The following SHQ1 variants were observed in gnomAD, a reference collection of about 807,000 sequenced individuals.
SHQ1 encodes protein SHQ1 homolog.
A neutral mutation model predicts 53.8 loss-of-function variants in SHQ1; 49 were observed. The observed-to-expected ratio is 0.91, with a 90% CI of 0.72 to 1.16. The LOEUF (loss-of-function observed/expected upper bound fraction) is 1.16, where lower values mean the gene tolerates loss of function less well. SHQ1 is among the 50% of genes most tolerant of loss of function. The probability of loss-of-function intolerance (pLI) is 0.00; values close to 1 mark genes in which losing one functional copy is unlikely to be tolerated. For synonymous variants in SHQ1, 243 were observed against 251.0 expected (o/e 0.97, Z 0.30); for missense variants, 738 against 683.1 (o/e 1.08, Z -0.90).
At chr3:72,789,390 G>T (rs1270043721) in intron 10 of SHQ1, among the ~76,000 whole-genome samples, 1 of 152,084 alleles carries the variant, frequency 6.6e-6, no homozygotes, top group Non-Finnish European at 1.5e-5. Context: ...TAGTGTTAGT[G>T]TATTTTATGC....
downstream of SHQ1, among the ~76,000 whole-genome samples, chr3:72,746,816 G>T (rs1471851068): frequency 1.3e-5 from 2 of 152,190 alleles, no homozygotes; most frequent in Non-Finnish European, 2.9e-5. Context: ...TGCTTAACTG[G>T]CTTGACTTCA....
At chr3:72,753,173 G>C in intron 10 of SHQ1, 1 of 985,412 alleles carries the variant, frequency 1.0e-6, no homozygotes, top group Non-Finnish European at 1.2e-6. Flanking sequence ...GTGAGTGAAA[G>C]TGGTAAACAT....
chr3:72,846,292 T>C (rs1461731931), intron 1 of SHQ1: 9 of 1,528,982 alleles, frequency 5.9e-6, no homozygotes, highest in South Asian at 1.2e-5. Context: ...TAGCAAACTG[T>C]ATGTTCTTTT....
intron 10 of SHQ1, among the ~76,000 whole-genome samples, chr3:72,780,961 A>C (rs1417249632): frequency 1.3e-5 from 2 of 151,760 alleles, no homozygotes; most frequent in Admixed American, 6.6e-5. Flanking sequence ...CCACCACTAC[A>C]CCCGGCTAAT....
intron 2 of SHQ1, 147 bp from the exon 3 acceptor site, chr3:72,842,549 C>T (rs1288658671): frequency 6.4e-6 from 3 of 466,982 alleles, no homozygotes; most frequent in Non-Finnish European, 1.1e-5. Flanking sequence ...GGCAACATAC[C>T]AAGACCCCAT....
In SHQ1 at chr3:72,837,957, G is replaced by C. The variant is rs77407285; in HGVS notation, c.486+3088C>G. ...TTTTTGGAATCTTGGGCTTACACTTGATTTCTAAGTCTGGTTGCTGCACAC... is the reference window on the plus strand; with the variant it reads ...TTTTTGGAATCTTGGGCTTACACTTCATTTCTAAGTCTGGTTGCTGCACAC... On this transcript the variant is annotated intron_variant, in intron 4 of 10. Transcript: ENST00000325599. Among the ~76,000 whole-genome samples the C allele has an allele frequency of 8.7e-3, 1,136 of 130,514 alleles. 6 individuals are homozygous for C. The highest frequency in any genetic ancestry group is 0.011 in the Non-Finnish European group (695 of 63,774). 85.6% of individuals were successfully genotyped at this position (130,514 alleles called of 152,430 possible). A position where few individuals can be genotyped will look rare whatever the true frequency, so the allele number is the denominator to read the frequency against.
At chr3:72,773,195 C>T in intron 10 of SHQ1, 1 of 726,102 alleles carries the variant, frequency 1.4e-6, no homozygotes, top group Non-Finnish European at 2.6e-6. Flanking sequence ...TTTTCAGGAG[C>T]AAGTAGAACA....
intron 9 of SHQ1, among the ~76,000 whole-genome samples, chr3:72,798,481 TA>T (rs796750162): frequency 6.6e-6 from 1 of 152,190 alleles, no homozygotes; most frequent in African/African-American, 2.4e-5. Context: ...AATGACAAGA[TA>T]AAGAAAATAT....
chr3:72,778,450 AAAAAG>A lies in SHQ1; in HGVS notation c.1181+14461_1181+14465del, dbSNP rs533692654. 2.9e-3 allele frequency among the ~76,000 whole-genome samples: 444 copies of A among 152,180 alleles called. 4 individuals are homozygous for A. The highest frequency in any genetic ancestry group is 0.01 in the African/African-American group (415 of 41,494). Reference sequence around the variant, plus strand: ...GGTGACAGAAACCCTGTCTCTTTAAAAAAAGAAAAGAAAAGAAAAGAAAAGAAAAA... The same window carrying A: ...GGTGACAGAAACCCTGTCTCTTTAAAAAAAGAAAAGAAAAGAAAAGAAAAA... On this transcript the variant is annotated intron_variant, in intron 10 of 10. Transcript: ENST00000325599.
Position 72,841,121 on chromosome 3 carries a change from A to G in SHQ1, c.410T>C (p.Val137Ala), listed in dbSNP as rs771027406. The change falls in exon 4 of 11, where the codon GTA becomes GCA. Residue 137 changes from valine (V) to alanine (A), a missense_variant. Val to Ala is a moderately conservative substitution (Grantham distance 64). Transcript: ENST00000325599. ...WEIEQTPCEE[V>A]SESALNPQCH... Reference sequence around the variant, plus strand: ...CTGCGGATTCAAAGCACTTTCTGATACCTCTTCACAGGGTGTCTGCTCAAT... The same window carrying G: ...CTGCGGATTCAAAGCACTTTCTGATGCCTCTTCACAGGGTGTCTGCTCAAT... The G allele has an allele frequency of 1.2e-6, 2 of 1,614,046 alleles. No individual in the cohort carries two copies. The highest frequency in any genetic ancestry group is 1.6e-4 in the Middle Eastern group (1 of 6,062).
intron 7 of SHQ1, 108 bp from the exon 8 acceptor site, chr3:72,815,511 G>A (rs1054692725): frequency 2.9e-5 from 24 of 819,148 alleles, no homozygotes; most frequent in Non-Finnish European, 4.7e-5. Flanking sequence ...ACTGACATAT[G>A]AGAACTAAGA....
intron 9 of SHQ1, 123 bp downstream of exon 9, chr3:72,812,548 T>C: frequency 9.7e-7 from 1 of 1,029,442 alleles, no homozygotes; most frequent in East Asian, 2.5e-5. Flanking sequence ...TTAAAAGTGG[T>C]TGGATTCATT....
At chr3:72,802,384 G>C (rs1460635486) in intron 9 of SHQ1, among the ~76,000 whole-genome samples, 2 of 152,176 alleles carry the variant, frequency 1.3e-5, no homozygotes, top group Non-Finnish European at 1.5e-5. Context: ...GCTGCCAGAT[G>C]AATCTAATTT....
At chr3:72,761,612 T>G (rs1705610004) in intron 10 of SHQ1, among the ~76,000 whole-genome samples, 3 of 152,230 alleles carry the variant, frequency 2.0e-5, no homozygotes, top group Admixed American at 1.3e-4. Flanking sequence ...ACAAAAGGCT[T>G]GCACTTCCTG....
rs1482964228 is a variant in SHQ1, at chr3:72,841,042, T to C, written c.486+3A>G. 4 of 1,604,900 alleles carry C rather than the reference T, an allele frequency of 2.5e-6. No individual in the cohort carries two copies. Among genetic ancestry groups the C allele is most frequent in the Non-Finnish European group, 3.4e-6 (4 of 1,177,504 alleles). ...ATCAAGATCTTTCAGAAAGACAACATACCTGTAACCGTTGCAACACTCCTG... is the reference window on the plus strand; with the variant it reads ...ATCAAGATCTTTCAGAAAGACAACACACCTGTAACCGTTGCAACACTCCTG... On this transcript the variant is annotated splice_donor_region_variant and intron_variant, in intron 4 of 10. Coordinates refer to ENST00000325599, the MANE Select transcript of SHQ1 (RefSeq NM_018130.3).
chr3:72,731,260 C>T, the SHQ1 span, among the ~76,000 whole-genome samples: 1 of 145,924 alleles, frequency 6.9e-6, no homozygotes, highest in African/African-American at 2.5e-5. Context: ...CTGTAAAGGT[C>T]CAGATGGTAC....
At chr3:72,759,653 T>TA (rs1456678346) in intron 10 of SHQ1, among the ~76,000 whole-genome samples, 2 of 152,140 alleles carry the variant, frequency 1.3e-5, no homozygotes, top group Non-Finnish European at 2.9e-5. Context: ...ACTGCAGCAC[T>TA]ACACTCCAGC....
intron 4 of SHQ1, among the ~76,000 whole-genome samples, chr3:72,833,162 C>G (rs2106927501): frequency 6.6e-6 from 1 of 152,288 alleles, no homozygotes; most frequent in Non-Finnish European, 1.5e-5. Flanking sequence ...TACATACAAG[C>G]TGGGTGTGGT....
chr3:72,778,726 G>C (rs1250132734), intron 10 of SHQ1, among the ~76,000 whole-genome samples: 1 of 152,012 alleles, frequency 6.6e-6, no homozygotes, highest in African/African-American at 2.4e-5. Context: ...CAATAACAGA[G>C]GCAAATAAAG....
Sources: gnomAD v4.1 joint callset for allele counts (sites outside exome capture counted in the v4.1 genomes callset) on GRCh38, gnomAD v4.1.1 for gene constraint, MANE v1.5 for transcripts, NCBI Gene and HGNC (gene_info 2026-07-23, HGNC 2026-07-21) for gene names.